The following TMEM178B variants were observed in gnomAD, a reference collection of about 807,000 sequenced individuals.
The protein encoded by TMEM178B is transmembrane protein 178B.
In TMEM178B, 5 loss-of-function variants were observed where a neutral mutation model predicts 31.0. The ratio of observed to expected loss-of-function variants is 0.16; its 90% confidence interval spans 0.08 to 0.34. The LOEUF is 0.34. Among genes scored for constraint, TMEM178B ranks in the 10% least tolerant of loss-of-function variants. The pLI is 1.00. For missense variants in TMEM178B, 275 were observed against 400.3 expected (o/e 0.69, Z 2.67); for synonymous variants, 164 against 164.0 (o/e 1.00, Z 0.00).
intron 2 of TMEM178B, among the ~76,000 whole-genome samples, chr7:141,394,789 A>G (rs1800608305): frequency 1.3e-5 from 2 of 152,210 alleles, no homozygotes; most frequent in Non-Finnish European, 2.9e-5. Context: ...AAGATACAGA[A>G]TAGAGGAATG....
intron 2 of TMEM178B, among the ~76,000 whole-genome samples, chr7:141,409,240 A>G (rs1230849494): frequency 6.6e-6 from 1 of 152,198 alleles, no homozygotes; most frequent in Non-Finnish European, 1.5e-5. Flanking sequence ...GAAATGGGCA[A>G]TGCCACTGCA....
rs138497865 is a variant in TMEM178B, at chr7:141,125,758, A to G, written c.382+51066A>G. On this transcript the variant is annotated intron_variant, in intron 1 of 3. Transcript: ENST00000565468. The stretch of plus-strand genomic sequence containing the variant: ...ACAAGCCATTTGAAACCTACCGGAA[A>G]ATGAAGTTGTAGTTTTAATTGCAGT... 1.1e-3 allele frequency among the ~76,000 whole-genome samples: 170 copies of G among 152,308 alleles called. 1 individual carries two copies. Among genetic ancestry groups the G allele is most frequent in the Middle Eastern group, 3.4e-3 (1 of 294 alleles).
At chr7:141,406,652 T>G (rs781782042) in intron 2 of TMEM178B, among the ~76,000 whole-genome samples, 140 of 152,220 alleles carry the variant, frequency 9.2e-4, no homozygotes, top group Non-Finnish European at 1.8e-3. Flanking sequence ...ATGGCTGTGG[T>G]GCACTTAAAG....
chr7:141,316,552 C>CTGTGTGTG (rs74917510), intron 2 of TMEM178B, among the ~76,000 whole-genome samples: 2 of 150,680 alleles, frequency 1.3e-5, no homozygotes, highest in African/African-American at 2.4e-5. Flanking sequence ...CTCTGGACTG[C>CTGTGTGTG]TGTGTGTGTG....
At position 141,126,817 on chromosome 7, in the gene TMEM178B, AGACCG is replaced by A. The variant is rs774928775; in HGVS notation, c.382+52126_382+52130del. On this transcript the variant is annotated intron_variant, in intron 1 of 3. Transcript: ENST00000565468. The stretch of plus-strand genomic sequence containing the variant: ...CTAGAAAAACCCTGGGGGAATTTTG[AGACCG>A]AAACTAACCATCTCCTCTTTGGTAT... 3.5e-4 allele frequency among the ~76,000 whole-genome samples: 53 copies of A among 152,174 alleles called. 1 individual carries two copies. The highest frequency in any genetic ancestry group is 1.2e-3 in the African/African-American group (51 of 41,508).
intron 1 of TMEM178B, among the ~76,000 whole-genome samples, chr7:141,135,392 T>C (rs1406110543): frequency 6.6e-6 from 1 of 152,188 alleles, no homozygotes; most frequent in Non-Finnish European, 1.5e-5. Context: ...GTGACAGACA[T>C]TTACAGAACA....
chr7:141,373,953 C>T (rs754644490), intron 2 of TMEM178B, among the ~76,000 whole-genome samples: 7 of 152,196 alleles, frequency 4.6e-5, no homozygotes, highest in Non-Finnish European at 4.4e-5. Flanking sequence ...GCATGAAATC[C>T]AACTCTGGGG....
chr7:141,238,527 A>G (rs1797565603), intron 2 of TMEM178B, among the ~76,000 whole-genome samples: 1 of 152,220 alleles, frequency 6.6e-6, no homozygotes. Flanking sequence ...GAACTACAGT[A>G]TCAGGGCTGC....
chr7:141,456,763 T>C (rs1327281580), intron 3 of TMEM178B, among the ~76,000 whole-genome samples: 1 of 152,082 alleles, frequency 6.6e-6, no homozygotes, highest in Non-Finnish European at 1.5e-5. Flanking sequence ...CCAGAAAGAG[T>C]TGGCTAGAAG....
At chr7:141,496,681 A>C in the TMEM178B span, among the ~76,000 whole-genome samples, 1 of 151,204 alleles carries the variant, frequency 6.6e-6, no homozygotes, top group South Asian at 2.1e-4. Flanking sequence ...AAAAAAAAAA[A>C]AAAAAAAAAA....
At chr7:141,100,268 C>A (rs1481517402) in intron 1 of TMEM178B, among the ~76,000 whole-genome samples, 1 of 150,172 alleles carries the variant, frequency 6.7e-6, no homozygotes, top group Non-Finnish European at 1.5e-5. Flanking sequence ...GCCACGTATT[C>A]TATAATATAG....
chr7:141,511,204 A>G, the TMEM178B span, among the ~76,000 whole-genome samples: 1 of 151,082 alleles, frequency 6.6e-6, no homozygotes, highest in Non-Finnish European at 1.5e-5. Context: ...CCTTCAATTG[A>G]GGTGGCTTTA....
chr7:141,152,374 T>G (rs973872124), intron 1 of TMEM178B, among the ~76,000 whole-genome samples: 1 of 152,198 alleles, frequency 6.6e-6, no homozygotes, highest in Non-Finnish European at 1.5e-5. Flanking sequence ...CTCAGAGTTC[T>G]GAAATGTCAT....
At chr7:141,362,089 C>T (rs1799926676) in intron 2 of TMEM178B, among the ~76,000 whole-genome samples, 1 of 152,224 alleles carries the variant, frequency 6.6e-6, no homozygotes, top group African/African-American at 2.4e-5. Context: ...TCTAAGACAG[C>T]TAGTCTGACA....
chr7:141,346,714 G>T (rs972340382), intron 2 of TMEM178B, among the ~76,000 whole-genome samples: 1 of 152,070 alleles, frequency 6.6e-6, no homozygotes, highest in Non-Finnish European at 1.5e-5. Context: ...AAGAAAGAAA[G>T]AGCCACATGG....
intron 2 of TMEM178B, among the ~76,000 whole-genome samples, chr7:141,287,710 T>G (rs1326424164): frequency 1.3e-5 from 2 of 152,220 alleles, no homozygotes; most frequent in South Asian, 2.1e-4. Flanking sequence ...TCCCCAGACA[T>G]GGACCTGTGA....
In TMEM178B at chr7:141,318,248, T is replaced by C. The variant is rs557583822; in HGVS notation, c.496+105544T>C. ...CCTATGTAAATGTCACACAAGTATA[T>C]TGAATGTTGAGCCTGTAAAGATAAA... On this transcript the variant is annotated intron_variant, in intron 2 of 3. Transcript: ENST00000565468. This position sits in a 1 kb window ranked among gnomAD's most constrained non-coding sequence, Gnocchi z 4.1. Among the ~76,000 whole-genome samples the C allele has an allele frequency of 4.6e-5, 7 of 152,336 alleles. No homozygotes were observed. Among genetic ancestry groups the C allele is most frequent in the African/African-American group, 1.7e-4 (7 of 41,576 alleles).
At chr7:141,202,440 C>A (rs1796893279) in intron 1 of TMEM178B, among the ~76,000 whole-genome samples, 1 of 151,978 alleles carries the variant, frequency 6.6e-6, no homozygotes, top group Admixed American at 6.6e-5. Flanking sequence ...GAGCACCTCT[C>A]ATAACAAACA....
intron 1 of TMEM178B, among the ~76,000 whole-genome samples, chr7:141,119,187 T>G (rs1322651812): frequency 2.6e-5 from 4 of 152,188 alleles, no homozygotes; most frequent in Non-Finnish European, 5.9e-5. Flanking sequence ...CAGAAAATGG[T>G]TCAGGTTACT....
Sources: allele counts gnomAD v4.1 joint callset (sites outside exome capture counted in the v4.1 genomes callset), GRCh38; gene constraint gnomAD v4.1.1; non-coding constraint Gnocchi (gnomAD v3.1); transcripts MANE v1.5; gene names NCBI Gene and HGNC (gene_info 2026-07-23, HGNC 2026-07-21).